Variants in CDC25A observed in about 807,000 individuals in gnomAD.
CDC25A encodes the protein M-phase inducer phosphatase 1.
In CDC25A, 17 loss-of-function variants were observed where a neutral mutation model predicts 64.6. That is an observed-to-expected ratio of 0.26 (90% confidence interval 0.18 to 0.39). The LOEUF is 0.39. Ranked by LOEUF, CDC25A falls within the 10% of genes least tolerant of loss-of-function variation. The pLI, the probability that CDC25A is intolerant of heterozygous loss-of-function variation, is 1.00. For synonymous variants in CDC25A, 229 were observed against 238.6 expected (o/e 0.96, Z 0.37); for missense variants, 473 against 654.8 (o/e 0.72, Z 3.03).
intron 8 of CDC25A, among the ~76,000 whole-genome samples, chr3:48,176,384 A>G (rs561671632): frequency 6.6e-6 from 1 of 151,988 alleles, no homozygotes; most frequent in Admixed American, 6.6e-5. Context: ...ACGAATCTAT[A>G]GCATGTGTAT....
intron 1 of CDC25A, 74 bp from the exon 2 acceptor site, chr3:48,186,853 T>C (rs2032863247): frequency 9.8e-7 from 1 of 1,021,384 alleles, no homozygotes; most frequent in Admixed American, 2.1e-5. Flanking sequence ...AGATAGGCCA[T>C]GAGATTAAGA....
chr3:48,186,634 A>T, intron 2 of CDC25A, 69 bp downstream of exon 2: 1 of 986,936 alleles, frequency 1.0e-6, no homozygotes, highest in East Asian at 2.5e-5. Flanking sequence ...ACCAAAACTA[A>T]CCTCCTGGGT....
In CDC25A at chr3:48,182,456, C is replaced by T. The variant is rs191317592; in HGVS notation, c.429+473G>A. The stretch of plus-strand genomic sequence containing the variant: ...ACCTTCCAAGCCACCATTTCAGTTA[C>T]TCTGAGATTCCCTAGAACTTGTTGA... On this transcript the variant is annotated intron_variant, in intron 5 of 14. Transcript: ENST00000302506. Among the ~76,000 whole-genome samples the T allele has an allele frequency of 8.5e-5, 13 of 152,324 alleles. No homozygotes were observed. In the East Asian group the frequency reaches 2.5e-3, roughly 29 times the overall value.
intron 9 of CDC25A, among the ~76,000 whole-genome samples, chr3:48,173,572 C>T (rs1008099221): frequency 2.6e-5 from 4 of 152,116 alleles, no homozygotes; most frequent in Non-Finnish European, 5.9e-5. Context: ...CAACAGCAAG[C>T]GGGGGCCTCC....
intron 5 of CDC25A, among the ~76,000 whole-genome samples, chr3:48,182,691 A>G (rs1426816791): frequency 6.6e-6 from 1 of 152,236 alleles, no homozygotes; most frequent in African/African-American, 2.4e-5. Context: ...TTATTGCCAC[A>G]ACATCCCTAA....
chr3:48,174,143 A>C, intron 9 of CDC25A, 141 bp downstream of exon 9: 2 of 714,114 alleles, frequency 2.8e-6, no homozygotes, highest in Non-Finnish European at 4.6e-6. Context: ...AAAGAAACAC[A>C]CACACACCCA....
intron 4 of CDC25A, among the ~76,000 whole-genome samples, 186 bp from the exon 5 acceptor site, chr3:48,183,216 G>A (rs766873702): frequency 6.6e-6 from 1 of 152,190 alleles, no homozygotes; most frequent in African/African-American, 2.4e-5. Context: ...ACACAGCATA[G>A]AAGTTTCCAT....
chr3:48,181,724 T>A (rs1289009397), intron 5 of CDC25A: 20 of 769,636 alleles, frequency 2.6e-5, no homozygotes, highest in Middle Eastern at 3.2e-4. Flanking sequence ...TACCTGGAAG[T>A]AAAGACTGGC....
intron 5 of CDC25A, chr3:48,181,412 GT>G: frequency 1.7e-6 from 1 of 589,154 alleles, no homozygotes; most frequent in Non-Finnish European, 3.0e-6. Flanking sequence ...ACACTCACAG[GT>G]CCCTTGCCCT....
intron 13 of CDC25A, among the ~76,000 whole-genome samples, chr3:48,163,053 G>A (rs1222486712): frequency 3.9e-5 from 6 of 151,916 alleles, no homozygotes; most frequent in East Asian, 1.9e-4. Flanking sequence ...AGGTCAAGGC[G>A]GGTGGATCAC....
At chr3:48,168,620 C>CTTTT (rs35535424) in intron 9 of CDC25A, among the ~76,000 whole-genome samples, 1 of 135,448 alleles carries the variant, frequency 7.4e-6, no homozygotes, top group African/African-American at 2.7e-5. Flanking sequence ...TATGTCTTAA[C>CTTTT]TTTTTTTTTT....
intron 13 of CDC25A, among the ~76,000 whole-genome samples, chr3:48,161,682 C>G (rs545640333): frequency 5.3e-5 from 8 of 152,078 alleles, no homozygotes; most frequent in Admixed American, 5.2e-4. Context: ...GTACTCCAGC[C>G]TGGACAACAG....
chr3:48,164,144 C>A (rs1390365342), intron 13 of CDC25A, among the ~76,000 whole-genome samples, 163 bp downstream of exon 13: 1 of 152,092 alleles, frequency 6.6e-6, no homozygotes, highest in African/African-American at 2.4e-5. Flanking sequence ...CTGGAAGAGC[C>A]AAAGTTCACC....
Position 48,162,847 on chromosome 3 carries a change from C to CA in CDC25A, c.1322+1459dup, listed in dbSNP as rs113100105. ...TGGGTGACAGAGCGAGACTCCGTCT[C>CA]AAAAAAAAAAAAAGGTTCAAAGGGG... On this transcript the variant is annotated intron_variant, in intron 13 of 14. Transcript: ENST00000302506. 4.0e-3 allele frequency among the ~76,000 whole-genome samples: 471 copies of CA among 118,416 alleles called. 2 individuals carry two copies. The highest frequency in any genetic ancestry group is 0.011 in the African/African-American group (337 of 31,830). 77.7% of individuals were successfully genotyped at this position (118,416 alleles called of 152,430 possible).
Position 48,183,792 on chromosome 3 carries a change from T to G in CDC25A, c.327+8A>C. 6.4e-7 allele frequency: 1 copy of G among 1,563,658 alleles called. No homozygotes were observed. The highest frequency in any genetic ancestry group is 1.7e-4 in the Middle Eastern group (1 of 5,966). On this transcript the variant is annotated splice_region_variant and intron_variant, in intron 4 of 14. Coordinates refer to ENST00000302506, the MANE Select transcript of CDC25A (RefSeq NM_001789.3). ...TATTAGCTCAAAATAAACAAGGAAC[T>G]AACTTACAGGTAGGGAATGTATTCT...
intron 13 of CDC25A, among the ~76,000 whole-genome samples, chr3:48,160,258 G>A (rs944894632): frequency 1.3e-5 from 2 of 151,980 alleles, no homozygotes; most frequent in African/African-American, 2.4e-5. Flanking sequence ...GACTACAGGC[G>A]CGTGCCACCG....
chr3:48,167,986 A>C (rs774368729), intron 9 of CDC25A, 42 bp from the exon 10 acceptor site: 1 of 1,228,378 alleles, frequency 8.1e-7, no homozygotes, highest in South Asian at 1.2e-5. Flanking sequence ...AGGGTTCTGA[A>C]TGGAACTTCC....
At chr3:48,166,304 GCAAA>G (rs779042403) in intron 10 of CDC25A, among the ~76,000 whole-genome samples, 12 of 151,910 alleles carry the variant, frequency 7.9e-5, no homozygotes, top group Non-Finnish European at 1.6e-4. Flanking sequence ...AAACAAACAA[GCAAA>G]CAAACATTAG....
chr3:48,161,589 G>T (rs1177720754), intron 13 of CDC25A, among the ~76,000 whole-genome samples: 1 of 151,914 alleles, frequency 6.6e-6, no homozygotes, highest in Non-Finnish European at 1.5e-5. Flanking sequence ...CATGTTTGTG[G>T]TCCTAGCTTC....
Sources: allele counts gnomAD v4.1 joint callset (sites outside exome capture counted in the v4.1 genomes callset), GRCh38; gene constraint gnomAD v4.1.1; transcripts MANE v1.5; gene names NCBI Gene and HGNC (gene_info 2026-07-23, HGNC 2026-07-21).